Variants in GRK1 observed in about 807,000 individuals in gnomAD.
GRK1 encodes the protein rhodopsin kinase GRK1.
Under a neutral mutation model 41.7 loss-of-function variants are expected in GRK1, and 28 were observed. That is an observed-to-expected ratio of 0.67 (90% CI 0.50 to 0.92). GRK1 has a LOEUF of 0.92. Ranked by LOEUF, GRK1 falls within the 40% of genes least tolerant of loss-of-function variation. GRK1 has a pLI of 0.00. For missense variants in GRK1, 703 were observed against 671.2 expected (o/e 1.05, Z -0.52); for synonymous variants, 327 against 286.7 (o/e 1.14, Z -1.42).
At chr13:113,651,658 C>A in the GRK1 span, 1 of 1,606,498 alleles carries the variant, frequency 6.2e-7, no homozygotes. Context: ...GCCCGCCGCG[C>A]GGCCGTACTC....
At chr13:113,663,440 C>T (rs2049801080), upstream of GRK1, among the ~76,000 whole-genome samples, 1 of 152,070 alleles carries the variant, frequency 6.6e-6, no homozygotes, top group South Asian at 2.1e-4. Context: ...TGGACAACAC[C>T]AAAAGCACAA....
intron 4 of GRK1, among the ~76,000 whole-genome samples, chr13:113,728,378 C>CGAT (rs770915192): frequency 4.4e-5 from 5 of 114,528 alleles, no homozygotes; most frequent in East Asian, 2.6e-4. Flanking sequence ...GTACCCATGG[C>CGAT]GAGGAGTACC....
chr13:113,726,741 T>C (rs1027125634), intron 4 of GRK1, among the ~76,000 whole-genome samples: 1 of 152,080 alleles, frequency 6.6e-6, no homozygotes, highest in East Asian at 1.9e-4. Context: ...GCCTGGGAGC[T>C]GAGAAGGCTC....
intron 6 of GRK1, among the ~76,000 whole-genome samples, chr13:113,733,733 G>A (rs1173108036): frequency 4.6e-4 from 67 of 144,544 alleles, no homozygotes; most frequent in Middle Eastern, 3.7e-3. Context: ...GTGCGCGCGT[G>A]TGTATGTGTG....
At chr13:113,654,862 T>C in the GRK1 span, 4 of 1,613,852 alleles carry the variant, frequency 2.5e-6, no homozygotes, top group African/African-American at 5.3e-5. Context: ...GGGTCCACTG[T>C]CTGCATCAGC....
upstream of GRK1, among the ~76,000 whole-genome samples, chr13:113,665,393 C>T (rs2049811290): frequency 6.7e-6 from 1 of 148,618 alleles, no homozygotes; most frequent in Admixed American, 6.7e-5. Flanking sequence ...AGGTGTGCCC[C>T]AGCTGTCTCA....
chr13:113,649,203 G>A, the GRK1 span: 4 of 607,560 alleles, frequency 6.6e-6, no homozygotes, highest in Non-Finnish European at 1.1e-5. This position sits in a 1 kb window ranked among gnomAD's most constrained non-coding sequence, Gnocchi z 4.7. Context: ...ATACTCGCGA[G>A]CAGGTCCTTC....
At chr13:113,651,044 C>T in the GRK1 span, among the ~76,000 whole-genome samples, 8 of 99,628 alleles carry the variant, frequency 8.0e-5, no homozygotes, top group East Asian at 1.3e-3. Flanking sequence ...AAGCAAATCC[C>T]CGCGGCCCCC....
chr13:113,733,828 TGTGCACGTGC>T (rs1269670165), intron 6 of GRK1, among the ~76,000 whole-genome samples: 1 of 137,098 alleles, frequency 7.3e-6, no homozygotes, highest in African/African-American at 2.8e-5. Context: ...TGTGCGTGTG[TGTGCACGTGC>T]GTGTGCATGT....
chr13:113,648,608 A>G, the GRK1 span, among the ~76,000 whole-genome samples: 2 of 152,148 alleles, frequency 1.3e-5, no homozygotes, highest in South Asian at 4.1e-4. Context: ...CTTAACATTT[A>G]TATTTGGAGG....
the GRK1 span, chr13:113,649,241 A>G: frequency 1.8e-6 from 2 of 1,104,208 alleles, no homozygotes; most frequent in Admixed American, 3.1e-5. The surrounding 1 kb of genome is among the most constrained non-coding windows in gnomAD (Gnocchi z 4.7). Context: ...TGGAGTTCGC[A>G]CACTGACAAC....
intron 1 of GRK1, 72 bp from the exon 2 acceptor site, chr13:113,669,615 A>G: frequency 6.3e-7 from 1 of 1,594,062 alleles, no homozygotes; most frequent in Non-Finnish European, 8.6e-7. Context: ...GGCCGGGTGC[A>G]CACGGTCTCT....
rs377647549 is a variant in GRK1 at position 113,668,179 on chromosome 13, G to A, written c.699+94G>A. 2.8e-4 allele frequency: 375 copies of A among 1,339,794 alleles called. 1 individual carries two copies. The East Asian group carries it at 4.2e-3, about 15-fold the overall frequency. 83.0% of individuals were successfully genotyped at this position (1,339,794 alleles called of 1,614,324 possible). On this transcript the variant is annotated intron_variant, in intron 1 of 6. Transcript: ENST00000335678. ...GGGCCCCCAGGTCACTGTCGGCTCC[G>A]GGGCCCTTAACAGCTGGTGCCTAAG... is the stretch of plus-strand genomic sequence containing the variant.
rs778239009 is a variant in GRK1, at chr13:113,735,180, A to T, written c.1509A>T (p.Thr503=). ...GTGTGGCCTTTGACAAAACAGACAC[A>T]GAATTCTTTCAGGAATTTGCCACTG... ...VKGVAFDKTD[T]EFFQEFATGN... Residue 503 remains threonine (T), a synonymous_variant, in exon 7 of 7, where the codon ACA becomes ACT. Transcript: ENST00000335678. 9 of 1,537,114 alleles carry T rather than the reference A, an allele frequency of 5.9e-6. No individual in the cohort carries two copies. The Admixed American group carries it at 1.4e-4, about 23-fold the overall frequency.
At chr13:113,652,558 G>A in the GRK1 span, 6 of 434,120 alleles carry the variant, frequency 1.4e-5, no homozygotes, top group Non-Finnish European at 2.6e-5. Flanking sequence ...AGAACTTGAG[G>A]CCCCTTTACC....
the GRK1 span, among the ~76,000 whole-genome samples, chr13:113,651,006 G>T: frequency 6.6e-6 from 1 of 152,024 alleles, no homozygotes; most frequent in African/African-American, 2.4e-5. Flanking sequence ...AGGAGCCGCA[G>T]TGTGGCCCAA....
intron 4 of GRK1, among the ~76,000 whole-genome samples, chr13:113,728,737 G>A (rs1345583414): frequency 6.6e-6 from 1 of 152,192 alleles, no homozygotes; most frequent in African/African-American, 2.4e-5. Flanking sequence ...TGGAGGGGAA[G>A]CTTGCTCACA....
At chr13:113,661,581 T>C in the GRK1 span, among the ~76,000 whole-genome samples, 1 of 152,066 alleles carries the variant, frequency 6.6e-6, no homozygotes, top group Non-Finnish European at 1.5e-5. Flanking sequence ...ACTAGTTCTT[T>C]GAAAATGTAA....
chr13:113,662,935 C>G (rs67013697), upstream of GRK1, among the ~76,000 whole-genome samples: 1 of 152,006 alleles, frequency 6.6e-6, no homozygotes, highest in Non-Finnish European at 1.5e-5. Context: ...TAGATATATA[C>G]AAGATTATTC....
Sources: gnomAD v4.1 joint callset for allele counts (sites outside exome capture counted in the v4.1 genomes callset) on GRCh38, gnomAD v4.1.1 for gene constraint, Gnocchi (gnomAD v3.1) non-coding constraint, MANE v1.5 for transcripts, NCBI Gene and HGNC (gene_info 2026-07-23, HGNC 2026-07-21) for gene names.